LRRC20: variants seen among roughly 807,000 people sequenced by gnomAD.
LRRC20 encodes leucine rich repeat containing 20.
A neutral mutation model predicts 14.4 loss-of-function variants in LRRC20; 11 were observed. The ratio of observed to expected loss-of-function variants is 0.77; its 90% CI spans 0.48 to 1.27. The LOEUF (loss-of-function observed/expected upper bound fraction) is 1.27. LRRC20 is among the 50% of genes most tolerant of loss of function. The probability of loss-of-function intolerance (pLI) is 0.00; values close to 1 mark genes in which losing one functional copy is unlikely to be tolerated. For synonymous variants in LRRC20, 121 were observed against 107.3 expected, an observed-to-expected ratio of 1.13 and a Z score of -0.79; for missense variants, 219 against 251.2, an observed-to-expected ratio of 0.87 and a Z score of 0.87.
At chr10:70,349,435 G>A (rs371395469) in intron 2 of LRRC20, among the ~76,000 whole-genome samples, 2 of 152,122 alleles carry the variant, frequency 1.3e-5, no homozygotes, top group Admixed American at 6.5e-5. Context: ...AAAAGTAGTC[G>A]GTCGTGGTGG....
intron 4 of LRRC20, among the ~76,000 whole-genome samples, chr10:70,321,690 A>C (rs2136940056): frequency 6.6e-6 from 1 of 152,302 alleles, no homozygotes; most frequent in African/African-American, 2.4e-5. Flanking sequence ...GGCCTGGCCG[A>C]GGCCAGGCAG....
intron 4 of LRRC20, among the ~76,000 whole-genome samples, chr10:70,316,619 G>T (rs1345099974): frequency 6.6e-6 from 1 of 152,238 alleles, no homozygotes; most frequent in Non-Finnish European, 1.5e-5. Context: ...TTCCCTGCAG[G>T]TGGACACAAG....
chr10:70,342,453 T>C (rs1306826918), intron 2 of LRRC20, among the ~76,000 whole-genome samples: 2 of 152,018 alleles, frequency 1.3e-5, no homozygotes, highest in African/African-American at 4.8e-5. Context: ...TATACATATA[T>C]AATTGTATAT....
At chr10:70,319,966 G>A (rs369188559) in intron 4 of LRRC20, among the ~76,000 whole-genome samples, 5 of 152,210 alleles carry the variant, frequency 3.3e-5, no homozygotes, top group African/African-American at 1.2e-4. Flanking sequence ...AGCTGGGAAA[G>A]GGAGAAGCCC....
At chr10:70,329,276 G>A (rs1221854455) in intron 3 of LRRC20, among the ~76,000 whole-genome samples, 1 of 152,170 alleles carries the variant, frequency 6.6e-6, no homozygotes, top group East Asian at 1.9e-4. Flanking sequence ...TGAGGTCAGA[G>A]TGAAAAAAAC....
At chr10:70,341,096 A>G (rs1842898515) in intron 2 of LRRC20, among the ~76,000 whole-genome samples, 1 of 152,194 alleles carries the variant, frequency 6.6e-6, no homozygotes, top group Non-Finnish European at 1.5e-5. Context: ...CTGCTTTACA[A>G]TAGTCTACTT....
chr10:70,357,813 G>A (rs115854072), intron 2 of LRRC20, among the ~76,000 whole-genome samples: 1,593 of 152,252 alleles, frequency 0.01, 24 homozygotes, highest in South Asian at 0.056. Flanking sequence ...CATCACAAAC[G>A]TATACATACA....
At chr10:70,322,733 T>A (rs1342863293) in intron 4 of LRRC20, among the ~76,000 whole-genome samples, 2 of 152,144 alleles carry the variant, frequency 1.3e-5, no homozygotes, top group Non-Finnish European at 2.9e-5. Flanking sequence ...ATTCCTATCC[T>A]GGCACCGCGG....
At chr10:70,323,158 A>C (rs1842158738) in intron 4 of LRRC20, among the ~76,000 whole-genome samples, 1 of 151,816 alleles carries the variant, frequency 6.6e-6, no homozygotes, top group African/African-American at 2.4e-5. Context: ...TGCGGAGGGG[A>C]GGGCACACAG....
chr10:70,364,895 C>T (rs1843913781), intron 2 of LRRC20, among the ~76,000 whole-genome samples: 1 of 152,142 alleles, frequency 6.6e-6, no homozygotes, highest in Admixed American at 6.5e-5. Context: ...ATCCAGAACC[C>T]TGCCAGGCAA....
At chr10:70,377,736 G>C (rs1031828173) in intron 1 of LRRC20, among the ~76,000 whole-genome samples, 2 of 152,202 alleles carry the variant, frequency 1.3e-5, no homozygotes, top group African/African-American at 4.8e-5. Context: ...AAGTTCCCAC[G>C]TGGTCAACTG....
chr10:70,333,405 A>G (rs972865826), intron 3 of LRRC20, among the ~76,000 whole-genome samples: 1 of 152,152 alleles, frequency 6.6e-6, no homozygotes, highest in African/African-American at 2.4e-5. Context: ...ACTCCCCTTC[A>G]TAGGGAATTT....
chr10:70,304,123 A>C (rs1841314166), intron 4 of LRRC20, among the ~76,000 whole-genome samples: 1 of 152,062 alleles, frequency 6.6e-6, no homozygotes, highest in Admixed American at 6.6e-5. Context: ...TCACTCAGAC[A>C]ACACTAGGAC....
At chr10:70,332,964 A>G (rs554299204) in intron 3 of LRRC20, among the ~76,000 whole-genome samples, 2 of 152,346 alleles carry the variant, frequency 1.3e-5, no homozygotes, top group South Asian at 4.1e-4. Context: ...TAAATAGGAT[A>G]CGTTTTTCAA....
rs1421417580 is a variant in LRRC20 at position 70,370,885 on chromosome 10, T to C, written c.82+5567A>G. 3.3e-5 allele frequency among the ~76,000 whole-genome samples: 5 copies of C among 151,876 alleles called. No homozygotes were observed. The East Asian group carries it at 9.7e-4, about 29-fold the overall frequency. Reference sequence around the variant, plus strand: ...ATATTTTAAAAATTAGTCGGTGTAGTAGCAAGTGCCTGTAGTCTCAACTAC... The same window carrying C: ...ATATTTTAAAAATTAGTCGGTGTAGCAGCAAGTGCCTGTAGTCTCAACTAC... On this transcript the variant is annotated intron_variant, in intron 2 of 4. Transcript: ENST00000446961.
At chr10:70,349,515 T>A (rs1843213657) in intron 2 of LRRC20, among the ~76,000 whole-genome samples, 1 of 152,048 alleles carries the variant, frequency 6.6e-6, no homozygotes. Context: ...GAGGCAGAGG[T>A]TGCAGTGAGC....
intron 2 of LRRC20, among the ~76,000 whole-genome samples, chr10:70,364,267 A>T (rs1843876597): frequency 6.6e-6 from 1 of 152,014 alleles, no homozygotes; most frequent in African/African-American, 2.4e-5. Flanking sequence ...TCACCACCCC[A>T]CCAGGCCAGA....
rs376779434 is a variant in LRRC20, at chr10:70,340,555, C to G, written c.230G>C (p.Arg77Pro). Residue 77 changes from arginine (R) to proline (P), a missense_variant and splice_region_variant, in exon 3 of 5, where the codon CGA (arginine) becomes CCA (proline). Coordinates refer to ENST00000446961, the MANE Select transcript of LRRC20 (RefSeq NM_001278212.2). ...GGCTGGAGCTGACCAGGGCCTACCT[C>G]GGAGCTGACTGAATGTGGTCATGAA... ...SKFMTTFSQLRELHLEGNFLH... is the reference protein window; with the variant it reads ...SKFMTTFSQLPELHLEGNFLH... 1.2e-6 allele frequency: 2 copies of G among 1,614,086 alleles called. No homozygotes were observed. The highest frequency in any genetic ancestry group is 1.7e-5 in the Admixed American group (1 of 60,024).
intron 3 of LRRC20, among the ~76,000 whole-genome samples, chr10:70,332,298 A>C (rs1378070712): frequency 2.6e-5 from 4 of 152,238 alleles, no homozygotes; most frequent in Non-Finnish European, 5.9e-5. Context: ...AGCACTTTTA[A>C]CAAGGTCTGG....
Sources: allele counts gnomAD v4.1 joint callset (sites outside exome capture counted in the v4.1 genomes callset), GRCh38; gene constraint gnomAD v4.1.1; transcripts MANE v1.5; gene names NCBI Gene and HGNC (gene_info 2026-07-23, HGNC 2026-07-21).